Variants in ADK observed in about 807,000 individuals in gnomAD.
The protein encoded by ADK is adenosine kinase, also known as N6,N6-dimethyladenosine kinase.
A neutral mutation model predicts 44.7 loss-of-function variants in ADK; 24 were observed. That is an observed-to-expected ratio of 0.54 (90% CI 0.39 to 0.76). The LOEUF is 0.76. ADK is among the 30% of genes least tolerant of loss of function. The pLI is 0.00. For synonymous variants in ADK, 128 were observed against 142.6 expected (o/e 0.90, Z 0.73); for missense variants, 321 against 425.1 (o/e 0.76, Z 2.15).
intron 6 of ADK, among the ~76,000 whole-genome samples, chr10:74,407,171 G>A (rs1843971966): frequency 6.6e-6 from 1 of 151,562 alleles, no homozygotes; most frequent in African/African-American, 2.4e-5. Flanking sequence ...GCTCAGGCTG[G>A]TCTCAAACTC....
intron 2 of ADK, among the ~76,000 whole-genome samples, chr10:74,216,912 C>T (rs1197884757): frequency 6.6e-6 from 1 of 152,100 alleles, no homozygotes; most frequent in Admixed American, 6.5e-5. Context: ...ATAGGAACAG[C>T]TCCGGTCTAC....
intron 6 of ADK, among the ~76,000 whole-genome samples, chr10:74,495,763 C>G (rs527456644): frequency 2.6e-5 from 4 of 152,238 alleles, no homozygotes; most frequent in Non-Finnish European, 4.4e-5. Context: ...ACTTGTCAGG[C>G]TATATGAGGT....
At chr10:74,520,717 G>GT (rs1343517480) in intron 6 of ADK, among the ~76,000 whole-genome samples, 1 of 152,012 alleles carries the variant, frequency 6.6e-6, no homozygotes, top group Admixed American at 6.6e-5. Flanking sequence ...ATGTGTTTAA[G>GT]TTTTTTCGAT....
At chr10:74,364,570 C>G (rs2131953522) in intron 4 of ADK, among the ~76,000 whole-genome samples, 1 of 152,214 alleles carries the variant, frequency 6.6e-6, no homozygotes, top group Non-Finnish European at 1.5e-5. Flanking sequence ...TACCTTTTCC[C>G]TCAGGTTTTT....
At chr10:74,615,853 T>G (rs1564820784) in intron 9 of ADK, among the ~76,000 whole-genome samples, 1 of 151,942 alleles carries the variant, frequency 6.6e-6, no homozygotes, top group Non-Finnish European at 1.5e-5. Flanking sequence ...GGACTACAGG[T>G]GCCCACCATC....
chr10:74,429,538 G>C (rs1411424323), intron 6 of ADK, among the ~76,000 whole-genome samples: 4 of 152,160 alleles, frequency 2.6e-5, no homozygotes, highest in African/African-American at 9.7e-5. Flanking sequence ...GAGTAGGGAA[G>C]AAAGAGATTT....
At chr10:74,214,686 T>G (rs1036430626) in intron 2 of ADK, among the ~76,000 whole-genome samples, 1 of 152,252 alleles carries the variant, frequency 6.6e-6, no homozygotes, top group Non-Finnish European at 1.5e-5. Context: ...AAAAAGTGTT[T>G]GTTTCAGTCT....
intron 6 of ADK, chr10:74,423,508 A>G (rs969280787): frequency 1.0e-5 from 2 of 199,600 alleles, no homozygotes; most frequent in Non-Finnish European, 2.1e-5. Flanking sequence ...CTGGAGCACC[A>G]GGTGCACTCT....
intron 9 of ADK, among the ~76,000 whole-genome samples, chr10:74,657,612 G>A (rs1737748412): frequency 6.6e-6 from 1 of 152,106 alleles, no homozygotes; most frequent in African/African-American, 2.4e-5. Context: ...GATTCTGGGA[G>A]ATAATCAAAT....
At chr10:74,192,489 G>A (rs913826801) in intron 1 of ADK, among the ~76,000 whole-genome samples, 5 of 150,116 alleles carry the variant, frequency 3.3e-5, no homozygotes, top group African/African-American at 1.2e-4. Flanking sequence ...GCCTCCCAAA[G>A]TGCTGGGATT....
At chr10:74,352,607 C>A (rs7923626) in intron 4 of ADK, among the ~76,000 whole-genome samples, 24,369 of 151,966 alleles carry the variant, frequency 0.16, 2,276 homozygotes, top group African/African-American at 0.26. Context: ...TTCTACACAG[C>A]GAAAGAAACT....
chr10:74,504,522 ATATTATATG>A (rs1320227325), intron 6 of ADK, among the ~76,000 whole-genome samples: 1 of 152,182 alleles, frequency 6.6e-6, no homozygotes, highest in Admixed American at 6.5e-5. Context: ...TGTATTTTGT[ATATTATATG>A]TATTATACAG....
At chr10:74,365,785 CTG>C (rs1273477434) in intron 4 of ADK, among the ~76,000 whole-genome samples, 1 of 152,182 alleles carries the variant, frequency 6.6e-6, no homozygotes, top group Non-Finnish European at 1.5e-5. Flanking sequence ...AAATGCCAAA[CTG>C]TCTACTACAA....
In ADK at chr10:74,442,290, C is replaced by T. The variant is rs561878941; in HGVS notation, c.555+43711C>T. ...GGCACAGAGATTATGAAAAACAATACGAAAGTTCCTTTAAAAACAGAACTA... is the reference window on the plus strand; with the variant it reads ...GGCACAGAGATTATGAAAAACAATATGAAAGTTCCTTTAAAAACAGAACTA... On this transcript the variant is annotated intron_variant, in intron 6 of 10. Transcript: ENST00000539909. 5.3e-5 allele frequency among the ~76,000 whole-genome samples: 8 copies of T among 150,532 alleles called. No homozygotes were observed. In the South Asian group the frequency reaches 8.3e-4, roughly 16 times the overall value.
At chr10:74,473,015 G>C (rs1846663738) in intron 6 of ADK, among the ~76,000 whole-genome samples, 1 of 151,758 alleles carries the variant, frequency 6.6e-6, no homozygotes, top group African/African-American at 2.4e-5. Context: ...TTTGAGATAG[G>C]GTCTCACTCT....
intron 6 of ADK, among the ~76,000 whole-genome samples, chr10:74,481,031 T>G (rs1847052755): frequency 6.6e-6 from 1 of 152,206 alleles, no homozygotes; most frequent in African/African-American, 2.4e-5. Flanking sequence ...TTTGCCTTCA[T>G]TTTTTCAGTG....
chr10:74,165,335 G>C (rs926788466), intron 1 of ADK, among the ~76,000 whole-genome samples: 10 of 152,090 alleles, frequency 6.6e-5, no homozygotes, highest in African/African-American at 2.4e-4. Context: ...AGAGAGGCTA[G>C]GTGGTATCAG....
chr10:74,303,663 A>G (rs973812700), intron 3 of ADK, among the ~76,000 whole-genome samples: 2 of 132,482 alleles, frequency 1.5e-5, no homozygotes, highest in Non-Finnish European at 3.1e-5. Flanking sequence ...TAAATTTTCA[A>G]AGTCCTTGCT....
chr10:74,461,145 AAT>A (rs1846160276), intron 6 of ADK, among the ~76,000 whole-genome samples: 1 of 144,362 alleles, frequency 6.9e-6, no homozygotes, highest in African/African-American at 2.9e-5. Context: ...CCGGAAATAG[AAT>A]TTTTTTTTTT....
Sources: gnomAD v4.1 joint callset for allele counts (sites outside exome capture counted in the v4.1 genomes callset) on GRCh38, gnomAD v4.1.1 for gene constraint, MANE v1.5 for transcripts, NCBI Gene and HGNC (gene_info 2026-07-23, HGNC 2026-07-21) for gene names.